The following ZBBX variants were observed in gnomAD, a reference collection of about 807,000 sequenced individuals.
ZBBX encodes zinc finger B-box domain containing.
In ZBBX, 101 loss-of-function variants were observed where a neutral mutation model predicts 108.5. The observed-to-expected ratio is 0.93, with a 90% confidence interval of 0.79 to 1.10. ZBBX has a LOEUF of 1.10. ZBBX is among the 50% of genes least tolerant of loss of function. ZBBX has a pLI of 0.00. For missense variants in ZBBX, 1,009 were observed against 941.4 expected, an observed-to-expected ratio of 1.07 and a Z score of -0.94; for synonymous variants, 356 against 323.4, an observed-to-expected ratio of 1.10 and a Z score of -1.08.
chr3:167,308,183 A>G (rs1733993532), intron 16 of ZBBX, among the ~76,000 whole-genome samples: 1 of 152,202 alleles, frequency 6.6e-6, no homozygotes, highest in Non-Finnish European at 1.5e-5. Context: ...AGGGACATAC[A>G]TGTGACCACA....
chr3:167,242,278 T>C (rs867882486), intron 21 of ZBBX, among the ~76,000 whole-genome samples: 1 of 152,184 alleles, frequency 6.6e-6, no homozygotes. Context: ...TTATGATACA[T>C]ATTGTACAGT....
At chr3:167,331,542 T>A (rs1352597583) in intron 10 of ZBBX, 1 of 984,536 alleles carries the variant, frequency 1.0e-6, no homozygotes, top group Non-Finnish European at 1.2e-6. Flanking sequence ...CATTTTCATA[T>A]TGGAGTTATG....
At chr3:167,402,784 G>GT (rs1434251536) in intron 1 of ZBBX, among the ~76,000 whole-genome samples, 1 of 123,902 alleles carries the variant, frequency 8.1e-6, no homozygotes, top group Non-Finnish European at 1.8e-5. Context: ...ACTACAATAT[G>GT]TAAAAAAAAA....
the ZBBX span, among the ~76,000 whole-genome samples, chr3:167,178,805 C>T: frequency 2.6e-5 from 4 of 152,104 alleles, no homozygotes; most frequent in African/African-American, 9.7e-5. Context: ...TAGCATCTGG[C>T]CTTTAGTCAG....
chr3:167,332,520 C>T (rs946030561), intron 10 of ZBBX, among the ~76,000 whole-genome samples: 2 of 152,030 alleles, frequency 1.3e-5, no homozygotes, highest in African/African-American at 4.8e-5. Context: ...CACAGAGGAG[C>T]CTACTCTATC....
chr3:167,368,794 T>G, intron 4 of ZBBX: 1 of 1,132,528 alleles, frequency 8.8e-7, no homozygotes, highest in South Asian at 3.2e-5. Flanking sequence ...TTTGTTTTAA[T>G]TATTACATTG....
chr3:167,357,513 C>CA (rs1349326087), intron 8 of ZBBX, among the ~76,000 whole-genome samples: 1 of 151,920 alleles, frequency 6.6e-6, no homozygotes, highest in Admixed American at 6.6e-5. Context: ...GGTATACACC[C>CA]AAAAGAACTG....
intron 1 of ZBBX, among the ~76,000 whole-genome samples, chr3:167,393,599 T>C (rs1748142618): frequency 6.6e-6 from 1 of 151,916 alleles, no homozygotes; most frequent in Admixed American, 6.6e-5. Context: ...CTTGTGATTC[T>C]TTCCAGTCAT....
chr3:167,183,314 G>A, the ZBBX span, among the ~76,000 whole-genome samples: 1 of 152,186 alleles, frequency 6.6e-6, no homozygotes, highest in African/African-American at 2.4e-5. Context: ...ACTCACCACA[G>A]GGATTGCTTA....
At chr3:167,222,494 A>G in the ZBBX span, among the ~76,000 whole-genome samples, 3 of 151,872 alleles carry the variant, frequency 2.0e-5, 1 homozygote, top group South Asian at 4.1e-4. Context: ...TACGATGAAT[A>G]AGATCTAGTA....
chr3:167,235,504 T>C (rs1720196632), downstream of ZBBX, among the ~76,000 whole-genome samples: 1 of 151,460 alleles, frequency 6.6e-6, no homozygotes, highest in Non-Finnish European at 1.5e-5. Context: ...TAGATATATA[T>C]AATTTCTCTG....
At chr3:167,253,068 T>C (rs1452487095) in intron 20 of ZBBX, among the ~76,000 whole-genome samples, 4 of 152,186 alleles carry the variant, frequency 2.6e-5, no homozygotes, top group Non-Finnish European at 4.4e-5. Flanking sequence ...TGGGTAAATA[T>C]GGATTATTGA....
chr3:167,406,984 C>A (rs1361799840), intron 1 of ZBBX, among the ~76,000 whole-genome samples: 1 of 152,164 alleles, frequency 6.6e-6, no homozygotes, highest in Admixed American at 6.5e-5. Flanking sequence ...ACATAAGAAC[C>A]AGGAGAACAG....
At chr3:167,306,048 C>G in intron 16 of ZBBX, 98 bp from the exon 17 acceptor site, 1 of 958,458 alleles carries the variant, frequency 1.0e-6, no homozygotes, top group Non-Finnish European at 1.5e-6. Flanking sequence ...AAAACTTTCT[C>G]AATAAACACT....
At chr3:167,256,747 AT>A (rs1478708025) in intron 20 of ZBBX, among the ~76,000 whole-genome samples, 1 of 152,032 alleles carries the variant, frequency 6.6e-6, no homozygotes, top group Admixed American at 6.6e-5. Flanking sequence ...TGCCTAGCTT[AT>A]TTAACTTAAT....
At chr3:167,247,521 T>C (rs1721791833) in intron 20 of ZBBX, among the ~76,000 whole-genome samples, 2 of 152,160 alleles carry the variant, frequency 1.3e-5, no homozygotes, top group East Asian at 3.9e-4. Context: ...ATACAGAAAG[T>C]CCTCTGTCCT....
intron 8 of ZBBX, among the ~76,000 whole-genome samples, chr3:167,355,164 A>G (rs141583659): frequency 1.0e-3 from 153 of 152,116 alleles, no homozygotes; most frequent in African/African-American, 3.6e-3. Context: ...CACATTTGCC[A>G]AATTAATATA....
At chr3:167,328,472 C>T (rs940831170) in intron 10 of ZBBX, among the ~76,000 whole-genome samples, 1 of 134,760 alleles carries the variant, frequency 7.4e-6, no homozygotes, top group African/African-American at 2.6e-5. Flanking sequence ...GCAACCTTCT[C>T]ATATCAAAAA....
rs181779627 is a variant in ZBBX at position 167,303,591 on chromosome 3, G to A, written c.1725+2052C>T. On this transcript the variant is annotated intron_variant, in intron 17 of 21. Transcript: ENST00000675490. Reference sequence around the variant, plus strand: ...AAGAGGCGAAATAACTAAATTACCTGAATTTTTCTCTAAACTTGCCATTAT... The same window carrying A: ...AAGAGGCGAAATAACTAAATTACCTAAATTTTTCTCTAAACTTGCCATTAT... Among the ~76,000 whole-genome samples, 615 of 152,186 alleles carry A rather than the reference G, an allele frequency of 4.0e-3. 2 individuals carry two copies. Among genetic ancestry groups the A allele is most frequent in the African/African-American group, 0.014 (592 of 41,544 alleles).
Sources: allele counts gnomAD v4.1 joint callset (sites outside exome capture counted in the v4.1 genomes callset), GRCh38; gene constraint gnomAD v4.1.1; transcripts MANE v1.5; gene names NCBI Gene and HGNC (gene_info 2026-07-23, HGNC 2026-07-21).